Variants in DTNA observed in about 807,000 individuals in gnomAD.
DTNA encodes the protein dystrobrevin alpha.
A neutral mutation model predicts 100.7 loss-of-function variants in DTNA; 43 were observed. The observed-to-expected ratio is 0.43, with a 90% CI of 0.33 to 0.55. The LOEUF (loss-of-function observed/expected upper bound fraction) is 0.55, where lower values mean the gene tolerates loss of function less well. Among genes scored for constraint, DTNA ranks in the 20% least tolerant of loss-of-function variants. The pLI is 0.04. For missense variants in DTNA, 798 were observed against 953.9 expected (o/e 0.84, Z 2.15); for synonymous variants, 349 against 347.9 (o/e 1.00, Z -0.04).
intron 22 of DTNA, 124 bp from the exon 23 acceptor site, chr18:34,887,642 T>G: frequency 1.5e-5 from 7 of 470,462 alleles, no homozygotes; most frequent in Non-Finnish European, 1.9e-5. Context: ...TGTGTGTGCA[T>G]GTGTGTGTGT....
intron 3 of DTNA, among the ~76,000 whole-genome samples, chr18:34,783,995 T>C (rs2094428794): frequency 6.6e-6 from 1 of 152,236 alleles, no homozygotes; most frequent in Admixed American, 6.5e-5. Flanking sequence ...CTCCATTCTT[T>C]AAGTTGTGCT....
chr18:34,795,113 A>G (rs1004581596), intron 4 of DTNA, among the ~76,000 whole-genome samples: 6 of 152,164 alleles, frequency 3.9e-5, no homozygotes, highest in African/African-American at 1.4e-4. Context: ...TGTTTTGAAT[A>G]TTAAAAAGGA....
rs1309431427 is a variant in DTNA at position 34,530,236 on chromosome 18, A to T, written c.-2+36722A>T. ...ACTGAGGATTTAAACGTCTTCATCA[A>T]GTTTAACTTATCCTAACTGGGGACT... On this transcript the variant is annotated intron_variant, in intron 1 of 19. Transcript: ENST00000283365. Among the ~76,000 whole-genome samples the T allele has an allele frequency of 3.9e-5, 6 of 152,120 alleles. No homozygotes were observed. In the East Asian group the frequency reaches 1.2e-3, roughly 29 times the overall value.
chr18:34,889,959 C>G lies in DTNA; in HGVS notation c.*2225C>G, dbSNP rs535519619. On this transcript the variant is annotated 3_prime_UTR_variant, in exon 23 of 23. Transcript: ENST00000444659. ...AGCAGGTGGCCACTGGTGCCTCATA[C>G]TCAGTATTGAAAACCACTACATCCC... 3.7e-6 allele frequency: 4 copies of G among 1,091,240 alleles called. No individual in the cohort carries two copies. The African/African-American group carries it at 6.6e-5, about 18-fold the overall frequency. 67.6% of individuals were successfully genotyped at this position (1,091,240 alleles called of 1,614,324 possible).
intron 1 of DTNA, among the ~76,000 whole-genome samples, chr18:34,597,360 T>C (rs1203871739): frequency 1.3e-5 from 2 of 152,132 alleles, no homozygotes; most frequent in Non-Finnish European, 1.5e-5. Context: ...TCTTCTTAAA[T>C]CCCGTGCTTT....
rs967817899 is a variant in DTNA, at chr18:34,830,570, A to G, written c.1175+1081A>G. On this transcript the variant is annotated intron_variant, in intron 11 of 22. Transcript: ENST00000444659. ...CATCTGTCGCATTCCCTGTTCTTAC[A>G]TCTTTTCTAGCTCTGTACTTGATTC... is the stretch of plus-strand genomic sequence containing the variant. Among the ~76,000 whole-genome samples the G allele has an allele frequency of 2.0e-5, 3 of 152,258 alleles. No homozygotes were observed. In the South Asian group the frequency reaches 6.2e-4, roughly 32 times the overall value.
intron 3 of DTNA, among the ~76,000 whole-genome samples, chr18:34,787,853 G>T (rs2094562389): frequency 6.6e-6 from 1 of 152,190 alleles, no homozygotes; most frequent in Admixed American, 6.5e-5. Flanking sequence ...ACAAATCTTA[G>T]GTCTTAATAA....
intron 1 of DTNA, among the ~76,000 whole-genome samples, chr18:34,565,640 C>T (rs1348956236): frequency 1.3e-5 from 2 of 152,206 alleles, no homozygotes; most frequent in South Asian, 2.1e-4. Flanking sequence ...ATTCCAATCT[C>T]TGCCTTCCTC....
At chr18:34,801,435 A>G (rs2095207212) in intron 4 of DTNA, among the ~76,000 whole-genome samples, 1 of 152,122 alleles carries the variant, frequency 6.6e-6, no homozygotes, top group Admixed American at 6.6e-5. Flanking sequence ...AGTATGTATT[A>G]TGCGCTGTTT....
intron 1 of DTNA, among the ~76,000 whole-genome samples, chr18:34,666,232 G>A (rs549315602): frequency 1.1e-4 from 17 of 151,898 alleles, no homozygotes; most frequent in Non-Finnish European, 2.1e-4. Context: ...TTTGAGAAGT[G>A]TCCTTTCATA....
chr18:34,793,508 C>T (rs1480439), intron 3 of DTNA, among the ~76,000 whole-genome samples: 1 of 151,878 alleles, frequency 6.6e-6, no homozygotes, highest in Non-Finnish European at 1.5e-5. Context: ...CTTTTTTTTT[C>T]TTGTTTCCAA....
chr18:34,560,728 A>G (rs183096852), intron 1 of DTNA, among the ~76,000 whole-genome samples: 8 of 152,284 alleles, frequency 5.3e-5, no homozygotes, highest in Admixed American at 5.2e-4. Context: ...CAACATACTG[A>G]AACCCTATCT....
intron 1 of DTNA, among the ~76,000 whole-genome samples, chr18:34,566,776 G>A (rs1395118304): frequency 1.3e-5 from 2 of 152,138 alleles, no homozygotes; most frequent in African/African-American, 4.8e-5. Flanking sequence ...CATCAGTCAG[G>A]CCTACATAAA....
intron 1 of DTNA, among the ~76,000 whole-genome samples, chr18:34,569,347 G>A (rs2047366407): frequency 1.3e-5 from 2 of 152,160 alleles, no homozygotes; most frequent in South Asian, 4.1e-4. Context: ...TTAGCCTTAG[G>A]AAGGAAAGGG....
intron 1 of DTNA, among the ~76,000 whole-genome samples, chr18:34,504,349 C>T (rs2144700194): frequency 6.6e-6 from 1 of 152,302 alleles, no homozygotes; most frequent in East Asian, 1.9e-4. Context: ...TTTGGAACCA[C>T]ATCAGACAGT....
At chr18:34,880,054 T>A (rs1163252959) in intron 20 of DTNA, among the ~76,000 whole-genome samples, 2 of 152,144 alleles carry the variant, frequency 1.3e-5, no homozygotes, top group African/African-American at 4.8e-5. Context: ...AGGAGATAAA[T>A]CATCCTATCT....
chr18:34,670,902 T>C (rs2076658244), intron 1 of DTNA, among the ~76,000 whole-genome samples: 1 of 152,204 alleles, frequency 6.6e-6, no homozygotes, highest in South Asian at 2.1e-4. Flanking sequence ...CTGACCGTTC[T>C]CAGATCTCAA....
chr18:34,751,275 A>G (rs1407028300), intron 1 of DTNA, among the ~76,000 whole-genome samples: 4 of 152,232 alleles, frequency 2.6e-5, no homozygotes, highest in African/African-American at 4.8e-5. Flanking sequence ...GCAACACATG[A>G]GTCTCACTCC....
intron 1 of DTNA, among the ~76,000 whole-genome samples, chr18:34,679,888 C>G (rs56015400): frequency 6.6e-6 from 1 of 152,030 alleles, no homozygotes; most frequent in African/African-American, 2.4e-5. Context: ...TTCCCAGTTT[C>G]TATTAAGCAA....
Sources: gnomAD v4.1 joint callset for allele counts (sites outside exome capture counted in the v4.1 genomes callset) on GRCh38, gnomAD v4.1.1 for gene constraint, MANE v1.5 for transcripts, NCBI Gene and HGNC (gene_info 2026-07-23, HGNC 2026-07-21) for gene names.